RBFOX1: variants seen among roughly 807,000 people sequenced by gnomAD.
The protein encoded by RBFOX1 is RNA binding fox-1 homolog 1, also known as RNA binding protein fox-1 homolog 1.
In RBFOX1, 8 loss-of-function variants were observed where a neutral mutation model predicts 57.7. The observed-to-expected ratio is 0.14, with a 90% CI of 0.08 to 0.25. RBFOX1 has a LOEUF of 0.25. Ranked by LOEUF, RBFOX1 falls within the 10% of genes least tolerant of loss-of-function variation. RBFOX1 has a pLI of 1.00. For synonymous variants in RBFOX1, 326 were observed against 222.4 expected, an observed-to-expected ratio of 1.47 and a Z score of -4.15; for missense variants, 611 against 548.5, an observed-to-expected ratio of 1.11 and a Z score of -1.14.
intron 4 of RBFOX1, among the ~76,000 whole-genome samples, chr16:7,181,087 C>A (rs932840424): frequency 3.3e-5 from 5 of 152,180 alleles, no homozygotes; most frequent in Non-Finnish European, 7.3e-5. Flanking sequence ...GCTTACTGAC[C>A]CCCTGCTATC....
intron 4 of RBFOX1, among the ~76,000 whole-genome samples, chr16:5,996,420 T>C (rs1342552448): frequency 6.6e-6 from 1 of 150,868 alleles, no homozygotes; most frequent in African/African-American, 2.4e-5. Context: ...CTTTGCAATC[T>C]GGTTGGAGGA....
At chr16:7,485,568 C>A (rs1417843069) in intron 4 of RBFOX1, among the ~76,000 whole-genome samples, 1 of 152,166 alleles carries the variant, frequency 6.6e-6, no homozygotes, top group African/African-American at 2.4e-5. Flanking sequence ...TTCTCAACCC[C>A]CAGATGGCTT....
intron 4 of RBFOX1, among the ~76,000 whole-genome samples, chr16:7,174,876 G>A (rs1211348925): frequency 1.3e-5 from 2 of 152,244 alleles, no homozygotes; most frequent in African/African-American, 2.4e-5. Flanking sequence ...CAAGCATCCA[G>A]GTTGTGCCAC....
At chr16:6,167,017 C>A (rs1597984939) in intron 1 of RBFOX1, among the ~76,000 whole-genome samples, 1 of 152,100 alleles carries the variant, frequency 6.6e-6, no homozygotes, top group East Asian at 1.9e-4. Context: ...TCATGTTCTG[C>A]CTGCCTCAGC....
chr16:6,974,510 A>C (rs2086356824), intron 3 of RBFOX1, among the ~76,000 whole-genome samples: 1 of 151,744 alleles, frequency 6.6e-6, no homozygotes, highest in Admixed American at 6.6e-5. Context: ...ACGCCCAGCT[A>C]ATTGTTGAAT....
In RBFOX1 at chr16:6,778,216, T is replaced by A. The variant is rs114402478; in HGVS notation, c.-16+123566T>A. On this transcript the variant is annotated intron_variant, in intron 3 of 15. Transcript: ENST00000550418. ...AATTCAGTCTCCCTGGTCATTTTTG[T>A]CAGTAAATTAAAACATTAATTTCAT... Among the ~76,000 whole-genome samples the A allele has an allele frequency of 5.5e-3, 837 of 152,266 alleles. 11 individuals are homozygous for A. Among genetic ancestry groups the A allele is most frequent in the African/African-American group, 0.019 (790 of 41,564 alleles).
At chr16:7,563,696 C>T (rs1438568023) in intron 5 of RBFOX1, among the ~76,000 whole-genome samples, 3 of 152,122 alleles carry the variant, frequency 2.0e-5, no homozygotes, top group African/African-American at 4.8e-5. Context: ...TCTCCAACTC[C>T]TGACCTCGTG....
intron 2 of RBFOX1, among the ~76,000 whole-genome samples, chr16:6,532,453 G>T (rs919845714): frequency 6.6e-6 from 1 of 152,156 alleles, no homozygotes; most frequent in Admixed American, 6.6e-5. Context: ...TTGAATGTAT[G>T]GAGGACCCTC....
At chr16:7,539,510 C>A (rs765202624) in intron 5 of RBFOX1, among the ~76,000 whole-genome samples, 1 of 152,172 alleles carries the variant, frequency 6.6e-6, no homozygotes, top group Non-Finnish European at 1.5e-5. Context: ...ACATATTGTC[C>A]ATGATCTGAA....
At chr16:6,247,344 T>A (rs1222591634) in intron 1 of RBFOX1, among the ~76,000 whole-genome samples, 1 of 152,174 alleles carries the variant, frequency 6.6e-6, no homozygotes. Context: ...CTTCTCTTGT[T>A]CAGACTTTGG....
intron 1 of RBFOX1, chr16:5,366,757 G>T: frequency 6.5e-6 from 2 of 305,758 alleles, no homozygotes; most frequent in East Asian, 7.7e-5. Flanking sequence ...GGTGATATCT[G>T]GCTGTCCTTT....
chr16:6,542,174 C>T (rs538318113), intron 2 of RBFOX1, among the ~76,000 whole-genome samples: 18 of 152,210 alleles, frequency 1.2e-4, no homozygotes, highest in African/African-American at 1.2e-4. Flanking sequence ...GATCTTCCTG[C>T]GTCTGCCTCT....
chr16:5,883,559 T>C (rs1320295691), intron 4 of RBFOX1, among the ~76,000 whole-genome samples: 2 of 152,152 alleles, frequency 1.3e-5, no homozygotes, highest in African/African-American at 4.8e-5. Context: ...CTAATTGTTT[T>C]GAGTGAGGAA....
intron 3 of RBFOX1, among the ~76,000 whole-genome samples, chr16:6,968,146 C>G (rs1010878122): frequency 6.6e-6 from 1 of 152,138 alleles, no homozygotes; most frequent in African/African-American, 2.4e-5. Flanking sequence ...CCGCTAGACT[C>G]GGCCTCAGGG....
chr16:6,184,437 G>A (rs1360831256), intron 1 of RBFOX1, among the ~76,000 whole-genome samples: 2 of 152,232 alleles, frequency 1.3e-5, no homozygotes, highest in African/African-American at 4.8e-5. Flanking sequence ...ACTTGCAGGT[G>A]TGAGAAGTGG....
intron 4 of RBFOX1, among the ~76,000 whole-genome samples, chr16:5,984,705 T>A (rs1336905145): frequency 6.6e-6 from 1 of 151,994 alleles, no homozygotes; most frequent in Non-Finnish European, 1.5e-5. Flanking sequence ...ATGTTGTCAT[T>A]ATGGGAACAT....
intron 4 of RBFOX1, among the ~76,000 whole-genome samples, chr16:7,452,680 A>G (rs1462257106): frequency 1.3e-5 from 2 of 152,180 alleles, no homozygotes; most frequent in Admixed American, 6.5e-5. Context: ...GACTTCATGA[A>G]TTTTAGGCTA....
intron 3 of RBFOX1, among the ~76,000 whole-genome samples, chr16:6,836,151 C>T (rs1214344123): frequency 6.6e-6 from 1 of 152,182 alleles, no homozygotes; most frequent in Non-Finnish European, 1.5e-5. Context: ...ATGGGTGAAC[C>T]ATTAATACGT....
chr16:5,310,924 A>G (rs1047831944), intron 1 of RBFOX1, among the ~76,000 whole-genome samples: 2 of 152,098 alleles, frequency 1.3e-5, no homozygotes, highest in Non-Finnish European at 2.9e-5. Context: ...GAAGTCTGAG[A>G]TTTTAGTGCA....
Sources: gnomAD v4.1 joint callset for allele counts (sites outside exome capture counted in the v4.1 genomes callset) on GRCh38, gnomAD v4.1.1 for gene constraint, MANE v1.5 for transcripts, NCBI Gene and HGNC (gene_info 2026-07-23, HGNC 2026-07-21) for gene names.